The following ANKRD55 variants were observed in gnomAD, a reference collection of about 807,000 sequenced individuals.
The protein encoded by ANKRD55 is ankyrin repeat domain 55.
In ANKRD55, 41 loss-of-function variants were observed where a neutral mutation model predicts 60.6. The observed-to-expected ratio is 0.68, with a 90% CI of 0.53 to 0.88. The LOEUF (loss-of-function observed/expected upper bound fraction) is 0.88, where lower values mean the gene tolerates loss of function less well. Among genes scored for constraint, ANKRD55 ranks in the 40% least tolerant of loss-of-function variants. The probability of loss-of-function intolerance (pLI) is 0.00; values close to 1 mark genes in which losing one functional copy is unlikely to be tolerated. For synonymous variants in ANKRD55, 264 were observed against 290.3 expected (o/e 0.91, Z 0.92); for missense variants, 732 against 767.6 (o/e 0.95, Z 0.55).
At chr5:56,196,721 T>A (rs760560306) in intron 2 of ANKRD55, among the ~76,000 whole-genome samples, 1 of 152,230 alleles carries the variant, frequency 6.6e-6, no homozygotes, top group Non-Finnish European at 1.5e-5. Flanking sequence ...AGCCAAGTTA[T>A]CATAGTGATT....
At chr5:56,212,389 A>G (rs1759697147) in intron 2 of ANKRD55, among the ~76,000 whole-genome samples, 1 of 152,238 alleles carries the variant, frequency 6.6e-6, no homozygotes, top group Non-Finnish European at 1.5e-5. Flanking sequence ...AGTTGCAAAC[A>G]TTATACGTAA....
At chr5:56,227,728 G>C (rs1391006512) in intron 2 of ANKRD55, among the ~76,000 whole-genome samples, 2 of 151,884 alleles carry the variant, frequency 1.3e-5, no homozygotes, top group African/African-American at 4.8e-5. Flanking sequence ...TAGCTTTGCT[G>C]TTTTACTTTG....
chr5:56,135,290 G>GCCTGCCTGCCTGCTTTCTTTCTTT, intron 7 of ANKRD55, among the ~76,000 whole-genome samples: 1 of 69,330 alleles, frequency 1.4e-5, no homozygotes, highest in East Asian at 4.3e-4. Flanking sequence ...CTGCCTGCCT[G>GCCTGCCTGCCTGCTTTCTTTCTTT]CTTGCTTTCT....
chr5:56,137,557 A>G (rs1220916152), intron 7 of ANKRD55: 2 of 692,024 alleles, frequency 2.9e-6, no homozygotes, highest in Non-Finnish European at 5.1e-6. Flanking sequence ...AAATGCAATT[A>G]AAAGTAAAAG....
intron 11 of ANKRD55, among the ~76,000 whole-genome samples, chr5:56,100,936 T>G (rs1756253141): frequency 6.6e-6 from 1 of 152,190 alleles, no homozygotes; most frequent in African/African-American, 2.4e-5. Flanking sequence ...TGAATTTCAT[T>G]CAATGATAGA....
intron 2 of ANKRD55, among the ~76,000 whole-genome samples, chr5:56,222,770 G>C (rs544260464): frequency 6.6e-6 from 1 of 152,174 alleles, no homozygotes; most frequent in South Asian, 2.1e-4. Context: ...AAGATCAAAT[G>C]AATGAAATGA....
chr5:56,190,997 C>T (rs1759081505), intron 2 of ANKRD55, among the ~76,000 whole-genome samples: 1 of 152,210 alleles, frequency 6.6e-6, no homozygotes, highest in Non-Finnish European at 1.5e-5. Flanking sequence ...TCTTGGCACT[C>T]TTGTGGAAAA....
intron 2 of ANKRD55, among the ~76,000 whole-genome samples, chr5:56,217,873 G>A (rs995609759): frequency 1.3e-5 from 2 of 151,138 alleles, no homozygotes; most frequent in African/African-American, 4.9e-5. Context: ...TCCAGCCTGG[G>A]TGACAGAGCG....
Position 56,102,475 on chromosome 5 carries a change from G to T in ANKRD55, c.1723+19C>A, listed in dbSNP as rs6860472. 1 of 1,533,998 alleles carries T rather than the reference G, an allele frequency of 6.5e-7. No homozygotes were observed. Among genetic ancestry groups the T allele is most frequent in the Non-Finnish European group, 9.0e-7 (1 of 1,109,254 alleles). ...GTTAACACTTGCAAAGGAAGCTGCGGAAGATTCATAATACTTACATTTTTG... is the reference window on the plus strand; with the variant it reads ...GTTAACACTTGCAAAGGAAGCTGCGTAAGATTCATAATACTTACATTTTTG... On this transcript the variant is annotated intron_variant, in intron 11 of 11. Transcript: ENST00000341048.
chr5:56,139,881 A>G (rs1246950440), intron 7 of ANKRD55, among the ~76,000 whole-genome samples: 2 of 152,042 alleles, frequency 1.3e-5, no homozygotes, highest in East Asian at 3.9e-4. Context: ...AGACCAGCAT[A>G]GGCAACATGG....
At position 56,114,918 on chromosome 5, in the gene ANKRD55, C is replaced by G. The variant is rs1756841727; in HGVS notation, c.965+1697G>C. 3.3e-5 allele frequency among the ~76,000 whole-genome samples: 5 copies of G among 152,092 alleles called. No homozygotes were observed. In the South Asian group the frequency reaches 1.0e-3, roughly 31 times the overall value. On this transcript the variant is annotated intron_variant, in intron 9 of 11. Coordinates refer to ENST00000341048, the MANE Select transcript of ANKRD55 (RefSeq NM_024669.3). Reference sequence around the variant, plus strand: ...ATGATACTGTGGCTGGGTATGATGGCTCACACTTCTAATCCCAGCACTTCA... The same window carrying G: ...ATGATACTGTGGCTGGGTATGATGGGTCACACTTCTAATCCCAGCACTTCA...
chr5:56,223,501 C>T (rs543262701), intron 2 of ANKRD55, among the ~76,000 whole-genome samples: 2,146 of 152,220 alleles, frequency 0.014, 59 homozygotes, highest in African/African-American at 0.049. Context: ...TCACACATAA[C>T]AATATTAACC....
intron 9 of ANKRD55, among the ~76,000 whole-genome samples, chr5:56,113,165 T>A (rs1333822840): frequency 6.6e-6 from 1 of 152,194 alleles, no homozygotes; most frequent in Non-Finnish European, 1.5e-5. Flanking sequence ...TGGGGTCCAC[T>A]GAACCCTTGG....
chr5:56,177,256 A>G (rs561682712), intron 3 of ANKRD55, among the ~76,000 whole-genome samples: 1 of 152,032 alleles, frequency 6.6e-6, no homozygotes, highest in Non-Finnish European at 1.5e-5. Flanking sequence ...TTTCTCTCCA[A>G]TTTTTTTCCT....
At chr5:56,232,676 T>C (rs1760285782) in intron 2 of ANKRD55, among the ~76,000 whole-genome samples, 180 bp downstream of exon 2, 1 of 152,052 alleles carries the variant, frequency 6.6e-6, no homozygotes, top group South Asian at 2.1e-4. Flanking sequence ...TTTGAACAGG[T>C]TTGTTTTCTA....
intron 5 of ANKRD55, among the ~76,000 whole-genome samples, chr5:56,163,162 C>G (rs1174753272): frequency 6.6e-6 from 1 of 152,150 alleles, no homozygotes; most frequent in Non-Finnish European, 1.5e-5. Flanking sequence ...CCCTCTCCTG[C>G]ATTCTTGCCC....
chr5:56,122,321 C>T (rs149021482), intron 8 of ANKRD55, among the ~76,000 whole-genome samples: 3 of 152,184 alleles, frequency 2.0e-5, no homozygotes, highest in African/African-American at 7.2e-5. Flanking sequence ...TGAAAAGGTA[C>T]TGGACGTTTG....
At chr5:56,177,479 A>G (rs1758760085) in intron 3 of ANKRD55, among the ~76,000 whole-genome samples, 1 of 152,176 alleles carries the variant, frequency 6.6e-6, no homozygotes, top group Non-Finnish European at 1.5e-5. Flanking sequence ...AAGTAAAGCT[A>G]AAGAATCCCT....
At chr5:56,230,220 G>A (rs970061188) in intron 2 of ANKRD55, among the ~76,000 whole-genome samples, 3 of 151,966 alleles carry the variant, frequency 2.0e-5, no homozygotes, top group Non-Finnish European at 2.9e-5. Flanking sequence ...TCAGCCTCCC[G>A]AGTAGCTGGG....
Sources: allele counts gnomAD v4.1 joint callset (sites outside exome capture counted in the v4.1 genomes callset), GRCh38; gene constraint gnomAD v4.1.1; transcripts MANE v1.5; gene names NCBI Gene and HGNC (gene_info 2026-07-23, HGNC 2026-07-21).